Variants in PALLD observed in about 807,000 individuals in gnomAD.
The protein encoded by PALLD is palladin.
A neutral mutation model predicts 123.5 loss-of-function variants in PALLD; 61 were observed. The ratio of observed to expected loss-of-function variants is 0.49; its 90% CI spans 0.40 to 0.61. The LOEUF (loss-of-function observed/expected upper bound fraction) is 0.61, where lower values mean the gene tolerates loss of function less well. Among genes scored for constraint, PALLD ranks in the 20% least tolerant of loss-of-function variants. The pLI, the probability that PALLD is intolerant of heterozygous loss-of-function variation, is 0.00. For synonymous variants in PALLD, 465 were observed against 496.4 expected (o/e 0.94, Z 0.84); for missense variants, 1,273 against 1,377.0 (o/e 0.92, Z 1.20).
intron 2 of PALLD, among the ~76,000 whole-genome samples, chr4:168,580,314 G>A (rs896456575): frequency 6.6e-6 from 1 of 151,512 alleles, no homozygotes; most frequent in Non-Finnish European, 1.5e-5. Flanking sequence ...ATGGGCAAAG[G>A]ACATGAACAG....
At chr4:168,530,314 C>T (rs1764482898) in intron 2 of PALLD, among the ~76,000 whole-genome samples, 2 of 152,176 alleles carry the variant, frequency 1.3e-5, no homozygotes, top group African/African-American at 2.4e-5. Flanking sequence ...ATGTCCATTA[C>T]GTGCATTTGG....
intron 10 of PALLD, among the ~76,000 whole-genome samples, chr4:168,713,944 T>G (rs1457946288): frequency 1.8e-5 from 1 of 54,916 alleles, no homozygotes; most frequent in Non-Finnish European, 3.7e-5. Context: ...TTCCCATTGT[T>G]TTTTTTTTTT....
chr4:168,866,115 T>A (rs1229320992), intron 10 of PALLD, among the ~76,000 whole-genome samples: 8 of 144,374 alleles, frequency 5.5e-5, no homozygotes, highest in Non-Finnish European at 1.1e-4. Context: ...AAAAAAAAAA[T>A]TCCACTGGGT....
chr4:168,506,496 C>T (rs6830895), intron 1 of PALLD, among the ~76,000 whole-genome samples: 59,822 of 151,868 alleles, frequency 0.39, 12,673 homozygotes, highest in East Asian at 0.58. Context: ...CCTCATACTC[C>T]GTTTGTCCTA....
chr4:168,882,832 A>G (rs950473146), intron 10 of PALLD, among the ~76,000 whole-genome samples: 8 of 152,160 alleles, frequency 5.3e-5, no homozygotes, highest in African/African-American at 1.9e-4. Context: ...ACCAAGTTGT[A>G]CAGAATGAAT....
chr4:168,614,457 T>C (rs1369779842), intron 2 of PALLD, among the ~76,000 whole-genome samples: 1 of 152,192 alleles, frequency 6.6e-6, no homozygotes, highest in Admixed American at 6.5e-5. Context: ...ATTGCTCTTA[T>C]GTGTATCATA....
rs77289155 is a variant in PALLD, at chr4:168,813,575, A to G, written c.1965-77347A>G. 7.6e-3 allele frequency among the ~76,000 whole-genome samples: 1,156 copies of G among 152,164 alleles called. 49 individuals carry two copies. In the East Asian group the frequency reaches 0.14, roughly 18 times the overall value. On this transcript the variant is annotated intron_variant, in intron 10 of 21. Transcript: ENST00000505667. ...TGGACTCAAGCAATCCCCCCACCTC[A>G]GCCTCCTCAGTAGCTAGGACTGCCG... is the stretch of plus-strand genomic sequence containing the variant.
rs139203506 is a variant in PALLD, at chr4:168,693,776, G to A, written c.1501+2484G>A. On this transcript the variant is annotated intron_variant, in intron 8 of 21. Transcript: ENST00000505667. ...TCCACAATTGTTTTTACCATGACAC[G>A]ACGAGACTTTCTTCTTTCCCTTTTA... Among the ~76,000 whole-genome samples, 1,271 of 152,250 alleles carry A rather than the reference G, an allele frequency of 8.3e-3. 10 individuals are homozygous for A. Among genetic ancestry groups the A allele is most frequent in the Middle Eastern group, 0.027 (8 of 294 alleles).
At chr4:168,723,891 C>CTT (rs59055427) in intron 10 of PALLD, among the ~76,000 whole-genome samples, 2,971 of 111,728 alleles carry the variant, frequency 0.027, 243 homozygotes, top group African/African-American at 0.095. Flanking sequence ...TTGAGTTGGG[C>CTT]TTTTTTTTTT....
chr4:168,716,502 G>C (rs544414989), intron 10 of PALLD, among the ~76,000 whole-genome samples: 1 of 152,274 alleles, frequency 6.6e-6, no homozygotes, highest in South Asian at 2.1e-4. Context: ...TATCTTAAAA[G>C]AGTAAAACGA....
chr4:168,880,919 T>C (rs1752522450), intron 10 of PALLD, among the ~76,000 whole-genome samples: 2 of 152,226 alleles, frequency 1.3e-5, no homozygotes, highest in Admixed American at 6.5e-5. Context: ...TTTTCTTTTC[T>C]TTTTTTCTGA....
At chr4:168,607,663 T>C (rs997809223) in intron 2 of PALLD, among the ~76,000 whole-genome samples, 3 of 152,200 alleles carry the variant, frequency 2.0e-5, no homozygotes, top group Non-Finnish European at 4.4e-5. Flanking sequence ...AAGTAATTTG[T>C]TGGAGACCAC....
chr4:168,534,231 A>C (rs910146419), intron 2 of PALLD, among the ~76,000 whole-genome samples: 15 of 152,346 alleles, frequency 9.8e-5, no homozygotes, highest in African/African-American at 3.6e-4. Flanking sequence ...GTTCAAGGAA[A>C]AGATGGGCTG....
At chr4:168,708,569 CT>C (rs1160837937) in intron 8 of PALLD, among the ~76,000 whole-genome samples, 1 of 152,140 alleles carries the variant, frequency 6.6e-6, no homozygotes, top group South Asian at 2.1e-4. Flanking sequence ...AGGTCATGTT[CT>C]TTTTTCCCCC....
At chr4:168,677,084 T>C (rs1780929248) in intron 3 of PALLD, among the ~76,000 whole-genome samples, 1 of 152,132 alleles carries the variant, frequency 6.6e-6, no homozygotes, top group Non-Finnish European at 1.5e-5. Context: ...GGCTAGAACA[T>C]GTAACTCTTT....
chr4:168,659,793 G>A (rs1271254630), intron 2 of PALLD, among the ~76,000 whole-genome samples: 1 of 152,106 alleles, frequency 6.6e-6, no homozygotes, highest in African/African-American at 2.4e-5. Context: ...AGTGCACAGA[G>A]AATTTTCATG....
At position 168,525,439 on chromosome 4, in the gene PALLD, T is replaced by C. The variant is rs112543202; in HGVS notation, c.908+13027T>C. ...CAGTAAAATTCATCAGGGGGCCACATGGTATAGTGTATCTAGGTGTTAGGT... is the reference window on the plus strand; with the variant it reads ...CAGTAAAATTCATCAGGGGGCCACACGGTATAGTGTATCTAGGTGTTAGGT... On this transcript the variant is annotated intron_variant, in intron 2 of 21. Transcript: ENST00000505667. 2.3e-3 allele frequency among the ~76,000 whole-genome samples: 343 copies of C among 152,266 alleles called. 1 individual carries two copies. The highest frequency in any genetic ancestry group is 7.2e-3 in the African/African-American group (299 of 41,550).
chr4:168,526,369 G>A (rs10019193), intron 2 of PALLD, among the ~76,000 whole-genome samples: 18 of 152,170 alleles, frequency 1.2e-4, no homozygotes, highest in Admixed American at 3.3e-4. Context: ...CAGCCAAAAC[G>A]TGTCTTTCAT....
intron 2 of PALLD, among the ~76,000 whole-genome samples, chr4:168,653,936 A>G (rs907016744): frequency 2.0e-5 from 3 of 151,918 alleles, no homozygotes; most frequent in Admixed American, 6.6e-5. Flanking sequence ...TCCTGACCTC[A>G]TGATCCGCCC....
Sources: allele counts gnomAD v4.1 joint callset (sites outside exome capture counted in the v4.1 genomes callset), GRCh38; gene constraint gnomAD v4.1.1; transcripts MANE v1.5; gene names NCBI Gene and HGNC (gene_info 2026-07-23, HGNC 2026-07-21).